TJP1: variants seen among roughly 807,000 people sequenced by gnomAD.
TJP1 encodes tight junction protein 1.
A neutral mutation model predicts 194.2 loss-of-function variants in TJP1; 43 were observed. The observed-to-expected ratio is 0.22, with a 90% confidence interval of 0.17 to 0.29. The LOEUF is 0.29. TJP1 is among the 10% of genes least tolerant of loss of function. TJP1 has a pLI of 1.00. For missense variants in TJP1, 1,971 were observed against 2,185.7 expected (o/e 0.90, Z 1.96); for synonymous variants, 801 against 779.0 (o/e 1.03, Z -0.47).
chr15:29,824,059 G>A (rs1245384102), upstream of TJP1: 1 of 105,074 alleles, frequency 9.5e-6, no homozygotes, highest in Admixed American at 1.5e-4. Flanking sequence ...CTCCAGCCTG[G>A]GCAACCAGCA....
chr15:29,711,079 C>T, intron 23 of TJP1, 79 bp from the exon 24 acceptor site: 3 of 1,434,382 alleles, frequency 2.1e-6, no homozygotes, highest in Non-Finnish European at 2.8e-6. Context: ...CTCCATGTAT[C>T]TCTAAGTTAA....
chr15:29,838,570 A>G (rs755043827), intron 2 of TJP1, among the ~76,000 whole-genome samples: 4 of 152,028 alleles, frequency 2.6e-5, no homozygotes, highest in Non-Finnish European at 5.9e-5. Flanking sequence ...CATTCCAAAC[A>G]TGTTATTCAG....
intron 2 of TJP1, among the ~76,000 whole-genome samples, chr15:29,895,963 C>T (rs150739960): frequency 2.8e-4 from 42 of 152,308 alleles, no homozygotes; most frequent in African/African-American, 7.9e-4. Flanking sequence ...TCTGTCCTCA[C>T]GTGATGTAAG....
chr15:29,777,500 A>G, intron 2 of TJP1, among the ~76,000 whole-genome samples: 1 of 152,220 alleles, frequency 6.6e-6, no homozygotes, highest in Admixed American at 6.5e-5. Context: ...ATAAATAAAT[A>G]AAACAATGAA....
At chr15:29,717,127 G>C (rs1265900471) in intron 22 of TJP1, among the ~76,000 whole-genome samples, 2 of 152,132 alleles carry the variant, frequency 1.3e-5, no homozygotes, top group African/African-American at 4.8e-5. Context: ...TAATCAGAAA[G>C]ACAAAGGGCA....
At chr15:29,888,751 C>T (rs2152150031) in intron 2 of TJP1, among the ~76,000 whole-genome samples, 1 of 152,276 alleles carries the variant, frequency 6.6e-6, no homozygotes, top group African/African-American at 2.4e-5. Context: ...TCAGTGTCCC[C>T]AGAGTTCCAG....
At chr15:29,799,991 C>T (rs1471541035) in intron 2 of TJP1, among the ~76,000 whole-genome samples, 1 of 152,186 alleles carries the variant, frequency 6.6e-6, no homozygotes, top group Non-Finnish European at 1.5e-5. Context: ...CTTAACTTTA[C>T]AAATTGGTAA....
At chr15:29,807,021 A>T (rs182113190) in intron 1 of TJP1, among the ~76,000 whole-genome samples, 20 of 152,360 alleles carry the variant, frequency 1.3e-4, no homozygotes, top group Admixed American at 3.9e-4. Context: ...ATAAGAAGGC[A>T]GCAACCATAG....
chr15:29,925,646 T>C (rs528750191), intron 2 of TJP1, among the ~76,000 whole-genome samples: 2 of 152,298 alleles, frequency 1.3e-5, no homozygotes, highest in East Asian at 3.9e-4. Context: ...TAAAGGTATG[T>C]GTCACACTGA....
chr15:29,867,023 C>G (rs2052331192), intron 2 of TJP1, among the ~76,000 whole-genome samples: 1 of 152,216 alleles, frequency 6.6e-6, no homozygotes, highest in South Asian at 2.1e-4. Context: ...GATGCCTATG[C>G]TTCCAGTTGT....
At chr15:29,717,852 T>A (rs1185170794) in intron 22 of TJP1, among the ~76,000 whole-genome samples, 169 bp downstream of exon 22, 9 of 152,140 alleles carry the variant, frequency 5.9e-5, no homozygotes, top group African/African-American at 2.2e-4. Flanking sequence ...AAGTTCTACT[T>A]TTTTTCCCCC....
intron 2 of TJP1, among the ~76,000 whole-genome samples, chr15:29,930,111 T>G (rs185391672): frequency 6.6e-6 from 1 of 152,014 alleles, no homozygotes; most frequent in Non-Finnish European, 1.5e-5. Flanking sequence ...AAACTAAAAA[T>G]AAACAAATAA....
At chr15:29,968,296 G>A (rs964954824) in intron 1 of TJP1, 7 of 985,248 alleles carry the variant, frequency 7.1e-6, no homozygotes, top group Non-Finnish European at 8.4e-6. Flanking sequence ...CTGTCTCCGC[G>A]AGAGCCTGGC....
intron 11 of TJP1, among the ~76,000 whole-genome samples, chr15:29,735,332 T>TA (rs1158265471): frequency 6.6e-6 from 1 of 152,020 alleles, no homozygotes; most frequent in Admixed American, 6.5e-5. Flanking sequence ...CTCATGTCTG[T>TA]AATCCCAGCA....
At chr15:29,857,424 A>G (rs1377945884) in intron 2 of TJP1, among the ~76,000 whole-genome samples, 1 of 152,138 alleles carries the variant, frequency 6.6e-6, no homozygotes, top group Non-Finnish European at 1.5e-5. Context: ...CTACGTATGT[A>G]GTAGACACCT....
intron 8 of TJP1, chr15:29,759,576 C>T (rs2045865832): frequency 6.6e-6 from 1 of 152,166 alleles, no homozygotes; most frequent in African/African-American, 2.4e-5. Context: ...CCAGAACTTA[C>T]TCATCTTATA....
intron 2 of TJP1, among the ~76,000 whole-genome samples, chr15:29,871,331 A>G (rs1317333619): frequency 6.6e-6 from 1 of 152,266 alleles, no homozygotes; most frequent in Admixed American, 6.5e-5. Context: ...GAAAATATAT[A>G]CAGTTGGTTT....
intron 2 of TJP1, among the ~76,000 whole-genome samples, chr15:29,905,394 G>A (rs1317609484): frequency 6.6e-6 from 1 of 152,116 alleles, no homozygotes; most frequent in Admixed American, 6.5e-5. Flanking sequence ...TTTAAAATAA[G>A]TCAAAAAAAC....
chr15:29,869,776 T>C (rs2052432140), intron 2 of TJP1, among the ~76,000 whole-genome samples: 1 of 142,606 alleles, frequency 7.0e-6, no homozygotes, highest in South Asian at 2.4e-4. Context: ...TCCTTTCCCC[T>C]GTCTTTCTTT....
Sources: allele counts gnomAD v4.1 joint callset (sites outside exome capture counted in the v4.1 genomes callset), GRCh38; gene constraint gnomAD v4.1.1; transcripts MANE v1.5; gene names NCBI Gene and HGNC (gene_info 2026-07-23, HGNC 2026-07-21).